AP1S3: variants seen among roughly 807,000 people sequenced by gnomAD.
AP1S3 encodes the protein AP-1 complex subunit sigma-3.
Under a neutral mutation model 20.9 loss-of-function variants are expected in AP1S3, and 10 were observed. That is an observed-to-expected ratio of 0.48 (90% confidence interval 0.29 to 0.81). The LOEUF is 0.81. AP1S3 is among the 30% of genes least tolerant of loss of function. The probability of loss-of-function intolerance (pLI) is 0.08; values close to 1 mark genes in which losing one functional copy is unlikely to be tolerated. For missense variants in AP1S3, 154 were observed against 183.8 expected, an observed-to-expected ratio of 0.84 and a Z score of 0.94; for synonymous variants, 41 against 61.5, an observed-to-expected ratio of 0.67 and a Z score of 1.56.
chr2:223,770,459 AG>A (rs1196508505), intron 3 of AP1S3: 1 of 1,280,972 alleles, frequency 7.8e-7, no homozygotes, highest in African/African-American at 1.5e-5. Context: ...TCAAGGGATA[AG>A]GGTAAGGTAA....
chr2:223,816,669 C>T (rs1036236213), intron 1 of AP1S3, among the ~76,000 whole-genome samples: 3 of 152,230 alleles, frequency 2.0e-5, no homozygotes, highest in Non-Finnish European at 4.4e-5. Flanking sequence ...TCCATCCTCC[C>T]TGCAATCAAA....
At chr2:223,810,024 C>A (rs1242782634) in intron 1 of AP1S3, among the ~76,000 whole-genome samples, 1 of 151,986 alleles carries the variant, frequency 6.6e-6, no homozygotes, top group Non-Finnish European at 1.5e-5. Context: ...CCGTGCCCGG[C>A]CTATTTTACT....
At chr2:223,827,539 C>T (rs904070414) in intron 1 of AP1S3, among the ~76,000 whole-genome samples, 1 of 151,984 alleles carries the variant, frequency 6.6e-6, no homozygotes, top group Non-Finnish European at 1.5e-5. Context: ...TTTGCCACCA[C>T]ACCCAGCTAC....
intron 3 of AP1S3, among the ~76,000 whole-genome samples, chr2:223,774,583 G>A (rs529401770): frequency 9.2e-5 from 14 of 152,090 alleles, no homozygotes; most frequent in African/African-American, 3.1e-4. Context: ...TAGGGCAAGA[G>A]GGCGAACAGA....
In AP1S3 at chr2:223,775,948, C is replaced by T. The variant is rs760206617; in HGVS notation, c.244G>A (p.Glu82Lys). The T allele has an allele frequency of 6.2e-6, 10 of 1,614,034 alleles. No individual in the cohort carries two copies. The highest frequency in any genetic ancestry group is 2.7e-5 in the African/African-American group (2 of 74,928). The change falls in exon 3 of 5, where the codon GAG (glutamate) becomes AAG (lysine). Residue 82 changes from glutamate to lysine, a missense_variant. Coordinates refer to ENST00000396654, the MANE Select transcript of AP1S3 (RefSeq NM_001039569.2). ...AGCTCCACGTAACGATGCACAATCT[C>T]TAGCGTCAAGAGCTCATTGTCCTGA... The part of the protein sequence containing the change: ...ENQDNELLTL[E>K]IVHRYVELLD...
intron 3 of AP1S3, among the ~76,000 whole-genome samples, chr2:223,773,640 T>A (rs1690683737): frequency 6.6e-6 from 1 of 152,162 alleles, no homozygotes; most frequent in Non-Finnish European, 1.5e-5. Context: ...TCAGAAATCT[T>A]TCCAGTGTTC....
chr2:223,808,480 G>A (rs1691636918), intron 1 of AP1S3, among the ~76,000 whole-genome samples: 1 of 152,120 alleles, frequency 6.6e-6, no homozygotes, highest in Non-Finnish European at 1.5e-5. Context: ...GCAGAAGAAA[G>A]GACTCTTTCC....
chr2:223,802,304 TTTA>T (rs1401327135), intron 1 of AP1S3, among the ~76,000 whole-genome samples: 6 of 110,412 alleles, frequency 5.4e-5, no homozygotes, highest in Non-Finnish European at 5.8e-5. Flanking sequence ...CCAGTTTTAT[TTTA>T]TTTTTTTTTT....
chr2:223,800,221 A>G (rs1691434423), intron 1 of AP1S3, among the ~76,000 whole-genome samples: 2 of 151,968 alleles, frequency 1.3e-5, no homozygotes, highest in Admixed American at 1.3e-4. Flanking sequence ...TCTAAAAAAA[A>G]AAAAAAAAGA....
At chr2:223,796,244 A>T (rs1691333307) in intron 1 of AP1S3, among the ~76,000 whole-genome samples, 1 of 152,192 alleles carries the variant, frequency 6.6e-6, no homozygotes, top group Admixed American at 6.5e-5. Flanking sequence ...ATTTATCTTC[A>T]TCAAGGCAGG....
chr2:223,757,714 G>C lies in AP1S3; in HGVS notation c.*1001C>G, dbSNP rs1453658538. ...GGTCAGCAGCAAATCTTTTCTTTGG[G>C]GAGGAAAGGGTAAGAAAAGAAAAAA... On this transcript the variant is annotated 3_prime_UTR_variant, in exon 5 of 5. Coordinates refer to ENST00000396654, the MANE Select transcript of AP1S3 (RefSeq NM_001039569.2). 1.3e-5 allele frequency: 13 copies of C among 985,208 alleles called. No individual in the cohort carries two copies. The Middle Eastern group carries it at 1.5e-3, about 117-fold the overall frequency. The allele number at this position is 985,208 out of a possible 1,614,324, so 61.0% of individuals were successfully genotyped here. A position where few individuals can be genotyped will look rare whatever the true frequency, so the allele number is the denominator to read the frequency against.
At chr2:223,821,827 G>A (rs1396941687) in intron 1 of AP1S3, among the ~76,000 whole-genome samples, 8 of 152,146 alleles carry the variant, frequency 5.3e-5, no homozygotes, top group South Asian at 2.1e-4. Context: ...GGAAAATAAC[G>A]TACGTTATGT....
chr2:223,809,855 A>G (rs938832743), intron 1 of AP1S3, among the ~76,000 whole-genome samples: 17 of 150,752 alleles, frequency 1.1e-4, no homozygotes, highest in Non-Finnish European at 1.5e-5. Context: ...CAGCCTCCTG[A>G]GCAGCTGGGA....
At chr2:223,819,382 T>A (rs1412479421) in intron 1 of AP1S3, among the ~76,000 whole-genome samples, 2 of 152,190 alleles carry the variant, frequency 1.3e-5, no homozygotes, top group African/African-American at 4.8e-5. Flanking sequence ...CATCACTCAT[T>A]GGAGAAAAAG....
intron 1 of AP1S3, among the ~76,000 whole-genome samples, chr2:223,794,664 G>A (rs565695823): frequency 4.9e-4 from 74 of 152,056 alleles, no homozygotes; most frequent in African/African-American, 1.5e-3. Flanking sequence ...ACGACTTGTC[G>A]GAGCACTCAT....
chr2:223,776,163 A>AAT (rs1371382057), intron 2 of AP1S3, 154 bp from the exon 3 acceptor site: 2 of 710,078 alleles, frequency 2.8e-6, no homozygotes, highest in Non-Finnish European at 5.2e-6. Flanking sequence ...AGCCTCCTGA[A>AAT]ATATAAATCA....
chr2:223,774,740 C>T (rs1443966464), intron 3 of AP1S3, among the ~76,000 whole-genome samples: 2 of 152,098 alleles, frequency 1.3e-5, no homozygotes, highest in Non-Finnish European at 2.9e-5. Context: ...TCTGGTAAAG[C>T]ATAGGAAAAG....
At chr2:223,770,322 ACTC>A in intron 3 of AP1S3, 1 of 1,549,996 alleles carries the variant, frequency 6.5e-7, no homozygotes, top group Non-Finnish European at 8.7e-7. Flanking sequence ...CAGCAATTAA[ACTC>A]CTGCAAAGTG....
chr2:223,813,711 G>A (rs920809336), intron 1 of AP1S3, among the ~76,000 whole-genome samples: 3 of 152,208 alleles, frequency 2.0e-5, no homozygotes, highest in African/African-American at 7.2e-5. Flanking sequence ...GAACACCAGT[G>A]TATGGGATAG....
Sources: allele counts gnomAD v4.1 joint callset (sites outside exome capture counted in the v4.1 genomes callset), GRCh38; gene constraint gnomAD v4.1.1; transcripts MANE v1.5; gene names NCBI Gene and HGNC (gene_info 2026-07-23, HGNC 2026-07-21).